ATRX: variants seen among roughly 807,000 people sequenced by gnomAD.
ATRX encodes the protein chromatin remodeler ATRX.
ATRX carries 12 observed loss-of-function variants against 172.6 expected under a neutral mutation model. The ratio of observed to expected loss-of-function variants is 0.07; its 90% CI spans 0.04 to 0.11. The LOEUF (loss-of-function observed/expected upper bound fraction) is 0.11, where lower values mean the gene tolerates loss of function less well. Ranked by LOEUF, ATRX falls within the 10% of genes least tolerant of loss-of-function variation. The pLI, the probability that ATRX is intolerant of heterozygous loss-of-function variation, is 1.00. For missense variants in ATRX, 1,368 were observed against 1,767.4 expected (o/e 0.77, Z 4.05); for synonymous variants, 674 against 594.7 (o/e 1.13, Z -1.94).
At position 77,676,318 on chromosome X, in the gene ATRX, C is replaced by T; in HGVS notation, c.3737-20G>A. On this transcript the variant is annotated intron_variant, in intron 9 of 34. Transcript: ENST00000373344. ...CATCTCCTTGAGGGAAAAAAGTGTA[C>T]TTAAAATTAGCTTTAAATAAGCTAT... The T allele has an allele frequency of 3.4e-6, 4 of 1,179,498 alleles. No homozygotes were observed. Among genetic ancestry groups the T allele is most frequent in the Non-Finnish European group, 4.6e-6 (4 of 868,709 alleles).
At position 77,690,471 on chromosome X, in the gene ATRX, T is replaced by A. The variant is rs185976930; in HGVS notation, c.485-1544A>T. Among the ~76,000 whole-genome samples the A allele has an allele frequency of 1.9e-3, 218 of 111,825 alleles. 1 individual carries two copies. The highest frequency in any genetic ancestry group is 2.3e-3 in the Admixed American group (24 of 10,505). On this transcript the variant is annotated intron_variant, in intron 6 of 34. Coordinates refer to ENST00000373344, the MANE Select transcript of ATRX (RefSeq NM_000489.6). ...TGCTAATATTTTTATTTATTTATTT[T>A]TTTAATTTTAAAGATGGGGTCTCAA...
intron 1 of ATRX, among the ~76,000 whole-genome samples, chrX:77,772,904 G>A (rs2076210580): frequency 9.6e-6 from 1 of 103,738 alleles, no homozygotes; most frequent in Non-Finnish European, 2.0e-5. Flanking sequence ...CTAGAGTACA[G>A]TGGTATAATC....
intron 1 of ATRX, among the ~76,000 whole-genome samples, chrX:77,782,312 C>G (rs2076596977): frequency 1.8e-5 from 2 of 112,220 alleles, no homozygotes; most frequent in African/African-American, 3.2e-5. Context: ...CATTCAAAAT[C>G]TCTCAATTTA....
chrX:77,679,516 T>G (rs2071076931), intron 9 of ATRX, among the ~76,000 whole-genome samples: 1 of 112,065 alleles, frequency 8.9e-6, no homozygotes, highest in African/African-American at 3.2e-5. Flanking sequence ...ATTTGCCATA[T>G]ATCACCATCC....
At chrX:77,673,444 T>C (rs958716354) in intron 10 of ATRX, among the ~76,000 whole-genome samples, 22 of 111,462 alleles carry the variant, frequency 2.0e-4, no homozygotes, top group African/African-American at 6.5e-4. Flanking sequence ...TTTTCAGTTA[T>C]ATAAAATTCA....
rs1484530610 is a variant in ATRX at position 77,629,956 on chromosome X, TCGCGTGCGTGCGCGCGCACACACA to T, written c.5134+3227_5134+3250del. On this transcript the variant is annotated intron_variant, in intron 19 of 34. Transcript: ENST00000373344. ...ATGATTTTCTTAATAGAAAACTAAA[TCGCGTGCGTGCGCGCGCACACACA>T]CGCGTGAGCGCACACATACAACTAT... 6.8e-4 allele frequency among the ~76,000 whole-genome samples: 76 copies of T among 112,436 alleles called. 1 individual carries two copies. Among genetic ancestry groups the T allele is most frequent in the African/African-American group, 2.2e-3 (68 of 31,061 alleles).
chrX:77,666,418 C>T (rs782634103), intron 10 of ATRX, among the ~76,000 whole-genome samples: 4 of 112,074 alleles, frequency 3.6e-5, no homozygotes, highest in Non-Finnish European at 7.5e-5. Flanking sequence ...AAATTTAAAC[C>T]CAAATTCCAT....
At chrX:77,514,788 C>G (rs1248399652) in intron 34 of ATRX, among the ~76,000 whole-genome samples, 2 of 112,502 alleles carry the variant, frequency 1.8e-5, no homozygotes, top group African/African-American at 3.2e-5. Context: ...CACAGCAGAG[C>G]TTCTGCACAG....
intron 12 of ATRX, among the ~76,000 whole-genome samples, chrX:77,660,684 G>A (rs2069836447): frequency 9.0e-6 from 1 of 111,173 alleles, no homozygotes; most frequent in Admixed American, 9.6e-5. Flanking sequence ...AAATGTCCAT[G>A]ACATATTAAT....
chrX:77,782,695 G>A (rs782673332), intron 1 of ATRX, among the ~76,000 whole-genome samples: 45 of 112,003 alleles, frequency 4.0e-4, no homozygotes, highest in African/African-American at 1.4e-3. Context: ...AAAGGTTGTA[G>A]TGAGCCAAGA....
intron 25 of ATRX, chrX:77,594,110 T>A (rs1393006344): frequency 6.9e-6 from 2 of 288,051 alleles, no homozygotes; most frequent in Non-Finnish European, 1.2e-5. Context: ...AGATTGACTC[T>A]GAGAGAGTGC....
chrX:77,581,159 C>T (rs191645951), intron 27 of ATRX, among the ~76,000 whole-genome samples: 6 of 111,073 alleles, frequency 5.4e-5, no homozygotes, highest in Admixed American at 1.9e-4. Context: ...GGAAAGAAGA[C>T]GAGCCCAAAA....
chrX:77,737,439 G>C (rs1313156164), intron 1 of ATRX, among the ~76,000 whole-genome samples: 1 of 82,162 alleles, frequency 1.2e-5, no homozygotes, highest in Non-Finnish European at 2.3e-5. Context: ...AAAAAAAGGG[G>C]GGGGGGGGCC....
chrX:77,737,564 TATTAA>T (rs1474266915), intron 1 of ATRX, among the ~76,000 whole-genome samples: 4 of 110,139 alleles, frequency 3.6e-5, no homozygotes, highest in African/African-American at 9.9e-5. Context: ...TTATTTACTG[TATTAA>T]ATTAATTGTA....
chrX:77,578,180 G>A (rs1352797438), intron 27 of ATRX, among the ~76,000 whole-genome samples: 3 of 111,621 alleles, frequency 2.7e-5, no homozygotes. Context: ...ACGCCACAGT[G>A]GGCTAAAGTG....
intron 2 of ATRX, among the ~76,000 whole-genome samples, chrX:77,713,329 G>T (rs2073205748): frequency 9.0e-6 from 1 of 111,231 alleles, no homozygotes. Flanking sequence ...CTCTGTGAAA[G>T]AGCTTGGAAA....
chrX:77,621,099 T>C lies in ATRX; in HGVS notation c.5135-567A>G, dbSNP rs1395666260. 2.7e-5 allele frequency among the ~76,000 whole-genome samples: 3 copies of C among 111,302 alleles called. No homozygotes were observed. The East Asian group carries it at 8.5e-4, about 31-fold the overall frequency. ...AGTGAAACTGGTTGTTACATGGGTA[T>C]GGAGGGTAGGGAGAACAGCTTTTAA... On this transcript the variant is annotated intron_variant, in intron 19 of 34. Coordinates refer to ENST00000373344, the MANE Select transcript of ATRX (RefSeq NM_000489.6).
Position 77,523,360 on chromosome X carries a change from G to A in ATRX, c.6741C>T (p.His2247=), listed in dbSNP as rs1336936187. 5.0e-6 allele frequency: 6 copies of A among 1,206,904 alleles called. No individual in the cohort carries two copies. The African/African-American group carries it at 5.3e-5, about 11-fold the overall frequency. ...AATCATGTTCATGGTATCCTACAATGTGTTCTTTATGTATCTGAAGGAGCT... is the reference window on the plus strand; with the variant it reads ...AATCATGTTCATGGTATCCTACAATATGTTCTTTATGTATCTGAAGGAGCT... ...LAELLQIHKE[H]IVGYHEHDSL... The change falls in exon 31 of 35, where the codon CAC becomes CAT. Residue 2247 remains histidine, a synonymous_variant. Transcript: ENST00000373344.
At position 77,633,664 on chromosome X, in the gene ATRX, T is replaced by G. The variant is rs782115900; in HGVS notation, c.4858A>C (p.Ser1620Arg). The change falls in exon 18 of 35, where the codon AGC becomes CGC. Residue 1620 changes from serine (S) to arginine (R), a missense_variant. This residue lies in a region of ATRX where 17 missense variants were observed against 22.8 expected (regional missense o/e 0.75). Transcript: ENST00000373344. ...AGAGGACAAACCACTAACGCCGTGC[T>G]GAAATCCAGTTTGTCACACAAAAGA... ...TVLLCDKLDF[S>R]TALVVCPLNT... 5.0e-6 allele frequency: 6 copies of G among 1,208,574 alleles called. No individual in the cohort carries two copies. In the East Asian group the frequency reaches 1.8e-4, roughly 36 times the overall value.
Sources: gnomAD v4.1 joint callset for allele counts (sites outside exome capture counted in the v4.1 genomes callset) on GRCh38, gnomAD v4.1.1 for gene constraint, gnomAD v4.1.1 regional missense constraint, MANE v1.5 for transcripts, NCBI Gene and HGNC (gene_info 2026-07-23, HGNC 2026-07-21) for gene names.